Variants in NMBR observed in about 807,000 individuals in gnomAD.
NMBR encodes the protein neuromedin-B receptor.
In NMBR, 16 loss-of-function variants were observed where a neutral mutation model predicts 20.5. The observed-to-expected ratio is 0.78, with a 90% confidence interval of 0.53 to 1.19. The LOEUF is 1.19. Ranked by LOEUF, NMBR falls within the 50% of genes most tolerant of loss-of-function variation. The pLI is 0.00. For missense variants in NMBR, 582 were observed against 499.1 expected (o/e 1.17, Z -1.58); for synonymous variants, 212 against 196.6 (o/e 1.08, Z -0.65).
At chr6:142,079,943 A>G (rs1777059185) in intron 2 of NMBR, among the ~76,000 whole-genome samples, 1 of 152,224 alleles carries the variant, frequency 6.6e-6, no homozygotes, top group Non-Finnish European at 1.5e-5. Flanking sequence ...AAGTAAGGCA[A>G]TGATGATGCA....
chr6:142,123,676 G>T (rs953961999), intron 1 of NMBR, among the ~76,000 whole-genome samples: 11 of 151,866 alleles, frequency 7.2e-5, no homozygotes, highest in Non-Finnish European at 2.9e-5. Context: ...ACCCTCCACG[G>T]TGAAAATATT....
intron 1 of NMBR, among the ~76,000 whole-genome samples, chr6:142,137,808 C>T (rs541024823): frequency 6.9e-4 from 105 of 152,112 alleles, no homozygotes; most frequent in Non-Finnish European, 1.2e-3. Context: ...TATTGATTTG[C>T]GCATATTGAA....
chr6:142,133,969 C>T (rs535406948), intron 1 of NMBR: 98 of 702,328 alleles, frequency 1.4e-4, no homozygotes, highest in South Asian at 1.3e-3. Context: ...ACTTCATTTG[C>T]GATCCAGACA....
At chr6:142,144,462 C>A (rs1298602864) in intron 1 of NMBR, among the ~76,000 whole-genome samples, 1 of 152,138 alleles carries the variant, frequency 6.6e-6, no homozygotes, top group Non-Finnish European at 1.5e-5. Flanking sequence ...TCTCCATTTT[C>A]TTCTTCCTAT....
In NMBR at chr6:142,088,766, A is replaced by C. The variant is rs1777258050; in HGVS notation, c.-108T>G. On this transcript the variant is annotated 5_prime_UTR_variant, in exon 2 of 4. Transcript: ENST00000258042. ...CGATGTCCCTCCCTCTCGCCCCTGC[A>C]AGTTTACTGTCCGCGGGGCAAGCCT... 4.0e-6 allele frequency: 4 copies of C among 1,004,186 alleles called. No homozygotes were observed. In the African/African-American group the frequency reaches 6.5e-5, roughly 16 times the overall value. The allele number at this position is 1,004,186 out of a possible 1,614,324, so 62.2% of individuals were successfully genotyped here.
intron 2 of NMBR, among the ~76,000 whole-genome samples, chr6:142,085,482 C>A (rs1312521614): frequency 6.6e-6 from 1 of 152,084 alleles, no homozygotes; most frequent in Non-Finnish European, 1.5e-5. Context: ...CGAGATCGCA[C>A]CCCTACACTC....
chr6:142,101,321 A>G (rs185390971), intron 1 of NMBR, among the ~76,000 whole-genome samples: 1 of 152,338 alleles, frequency 6.6e-6, no homozygotes, highest in Admixed American at 6.5e-5. Flanking sequence ...ATAAGGAAAC[A>G]GCTTTTGGCT....
chr6:142,090,252 T>C (rs944844065), intron 1 of NMBR, among the ~76,000 whole-genome samples: 2 of 152,128 alleles, frequency 1.3e-5, no homozygotes, highest in Admixed American at 6.6e-5. Context: ...TATTAAAGGA[T>C]AAAATTGAAC....
At chr6:142,080,316 T>C (rs1368213340) in intron 2 of NMBR, among the ~76,000 whole-genome samples, 1 of 148,292 alleles carries the variant, frequency 6.7e-6, no homozygotes, top group African/African-American at 2.5e-5. Context: ...TATATCTTTT[T>C]TTTTTTTTTT....
intron 2 of NMBR, among the ~76,000 whole-genome samples, chr6:142,081,179 A>T (rs1295614153): frequency 2.6e-5 from 4 of 152,098 alleles, no homozygotes; most frequent in Non-Finnish European, 5.9e-5. Flanking sequence ...AAGGGTATGA[A>T]TCCCATTCAT....
intron 1 of NMBR, among the ~76,000 whole-genome samples, chr6:142,090,483 T>C (rs1777303271): frequency 6.6e-6 from 1 of 151,722 alleles, no homozygotes; most frequent in Admixed American, 6.6e-5. Flanking sequence ...GTCCTTATTG[T>C]ACTCTTCTGG....
chr6:142,127,109 A>G (rs1339199768), intron 1 of NMBR, among the ~76,000 whole-genome samples: 1 of 151,810 alleles, frequency 6.6e-6, no homozygotes, highest in Non-Finnish European at 1.5e-5. Flanking sequence ...CCTTCCAGTA[A>G]TTTTATGTTC....
At chr6:142,103,877 T>C (rs1033504321) in intron 1 of NMBR, among the ~76,000 whole-genome samples, 19 of 152,176 alleles carry the variant, frequency 1.2e-4, no homozygotes, top group Non-Finnish European at 2.4e-4. Context: ...TGTTGAAAAT[T>C]CTTACCCAGT....
intron 1 of NMBR, among the ~76,000 whole-genome samples, chr6:142,144,855 G>C (rs577346915): frequency 7.9e-5 from 12 of 151,942 alleles, no homozygotes; most frequent in African/African-American, 2.9e-4. Context: ...TTCAAGACCT[G>C]CCTAGGCAAC....
chr6:142,145,867 C>T (rs1057515088), intron 1 of NMBR, among the ~76,000 whole-genome samples: 1 of 151,960 alleles, frequency 6.6e-6, no homozygotes. Flanking sequence ...AGTGAGAATG[C>T]CTGGAGTGGG....
chr6:142,091,201 A>G (rs1167369622), intron 1 of NMBR, among the ~76,000 whole-genome samples: 3 of 152,158 alleles, frequency 2.0e-5, no homozygotes, highest in Admixed American at 1.3e-4. Flanking sequence ...ATCAAAGGTA[A>G]ACATCTACTG....
chr6:142,141,428 T>G (rs1184031491), intron 1 of NMBR, among the ~76,000 whole-genome samples: 1 of 152,080 alleles, frequency 6.6e-6, no homozygotes, highest in Admixed American at 6.6e-5. Flanking sequence ...TGGTGGAATA[T>G]TAGAAGTTCT....
chr6:142,144,516 C>T (rs1778400674), intron 1 of NMBR, among the ~76,000 whole-genome samples: 1 of 152,150 alleles, frequency 6.6e-6, no homozygotes, highest in Admixed American at 6.5e-5. Flanking sequence ...CTGCCCTCCC[C>T]TTACTTGCCA....
chr6:142,109,821 T>C (rs1451699323), intron 1 of NMBR, among the ~76,000 whole-genome samples: 1 of 152,140 alleles, frequency 6.6e-6, no homozygotes, highest in Non-Finnish European at 1.5e-5. Flanking sequence ...ATGGGATTGA[T>C]GCCCTCATAA....
Sources: gnomAD v4.1 joint callset for allele counts (sites outside exome capture counted in the v4.1 genomes callset) on GRCh38, gnomAD v4.1.1 for gene constraint, MANE v1.5 for transcripts, NCBI Gene and HGNC (gene_info 2026-07-23, HGNC 2026-07-21) for gene names.